Variants in ETV1 observed in about 807,000 individuals in gnomAD.
ETV1 encodes ETS translocation variant 1.
A neutral mutation model predicts 62.3 loss-of-function variants in ETV1; 27 were observed. The observed-to-expected ratio is 0.43, with a 90% CI of 0.32 to 0.60. The LOEUF (loss-of-function observed/expected upper bound fraction) is 0.60. ETV1 is among the 20% of genes least tolerant of loss of function. The pLI, the probability that ETV1 is intolerant of heterozygous loss-of-function variation, is 0.06. For missense variants in ETV1, 605 were observed against 605.8 expected (o/e 1.00, Z 0.01); for synonymous variants, 222 against 199.6 (o/e 1.11, Z -0.94).
chr7:13,900,769 C>G lies in ETV1; in HGVS notation c.1181G>C (p.Arg394Pro). 6.2e-7 allele frequency: 1 copy of G among 1,610,668 alleles called. No individual in the cohort carries two copies. The highest frequency in any genetic ancestry group is 8.5e-7 in the Non-Finnish European group (1 of 1,178,392). Residue 394 changes from arginine to proline, a missense_variant, in exon 13 of 14, where the codon CGC becomes CCC. Arg to Pro is a moderately radical substitution (Grantham distance 103). Coordinates refer to ENST00000430479, the MANE Select transcript of ETV1 (RefSeq NM_004956.5). ...CATAATTCCTTTCTCATAGTAATAG[C>G]GGAGTGAACGGCTAAGTTTATCATA... The part of the protein sequence containing the change: ...MNYDKLSRSL[R>P]YYYEKGIMQK...
rs537922154 is a variant in ETV1, at chr7:13,947,050, A to G, written c.236-7804T>C. ...CTCGGCCTCCCAAAGTGCTGGGATT[A>G]TAGGCGTGAGCCACCACACCTGGCT... is the stretch of plus-strand genomic sequence containing the variant. On this transcript the variant is annotated intron_variant, in intron 6 of 13. Coordinates refer to ENST00000430479, the MANE Select transcript of ETV1 (RefSeq NM_004956.5). Among the ~76,000 whole-genome samples, 8 of 152,334 alleles carry G rather than the reference A, an allele frequency of 5.3e-5. No individual in the cohort carries two copies. The South Asian group carries it at 1.7e-3, about 32-fold the overall frequency.
intron 3 of ETV1, 104 bp downstream of exon 3, chr7:13,988,904 T>A: frequency 6.6e-7 from 1 of 1,522,402 alleles, no homozygotes; most frequent in South Asian, 1.2e-5. Flanking sequence ...CAGATAAGTA[T>A]CTGCAATCCC....
At chr7:13,951,262 C>T (rs1788789794) in intron 6 of ETV1, among the ~76,000 whole-genome samples, 1 of 152,180 alleles carries the variant, frequency 6.6e-6, no homozygotes, top group Admixed American at 6.5e-5. Context: ...TTATGTCACA[C>T]TCATGAGTTA....
intron 4 of ETV1, 38 bp from the exon 5 acceptor site, chr7:13,986,723 A>C (rs766208864): frequency 1.7e-4 from 242 of 1,463,456 alleles, no homozygotes; most frequent in Non-Finnish European, 2.3e-4. Flanking sequence ...TAAGATTTGC[A>C]AATCTTTAAT....
intron 12 of ETV1, among the ~76,000 whole-genome samples, chr7:13,901,814 T>C (rs1782464219): frequency 6.6e-6 from 1 of 152,204 alleles, no homozygotes; most frequent in Non-Finnish European, 1.5e-5. Context: ...ACCATGTATA[T>C]GAGTCCACAA....
intron 6 of ETV1, chr7:13,975,219 C>T (rs548175696): frequency 1.3e-5 from 2 of 152,290 alleles, no homozygotes; most frequent in Admixed American, 6.5e-5. Context: ...TAGTCATTTC[C>T]ATCACAGAAA....
chr7:13,944,811 C>A (rs1787960048), intron 6 of ETV1, among the ~76,000 whole-genome samples: 1 of 152,104 alleles, frequency 6.6e-6, no homozygotes. Flanking sequence ...AACATAAGAT[C>A]ATTAAGGTGA....
intron 9 of ETV1, 106 bp downstream of exon 9, chr7:13,931,396 A>C: frequency 8.2e-7 from 1 of 1,216,112 alleles, no homozygotes; most frequent in Non-Finnish European, 1.2e-6. Flanking sequence ...GAAAGATCTT[A>C]TTAAAAAATG....
chr7:13,983,008 T>C (rs1029860561), intron 5 of ETV1, among the ~76,000 whole-genome samples: 4 of 152,048 alleles, frequency 2.6e-5, no homozygotes, highest in Non-Finnish European at 2.9e-5. Flanking sequence ...GACCTGACTG[T>C]TGTTTGAAGG....
In ETV1 at chr7:13,894,833, A is replaced by G. The variant is rs1344233740; in HGVS notation, c.*1033T>C. On this transcript the variant is annotated 3_prime_UTR_variant, in exon 14 of 14. Transcript: ENST00000430479. ...CAGTAAAAGGTTTAAATGCATATCA[A>G]TGGGTACCATGTCTAAAAATTACTA... 2 of 232,656 alleles carry G rather than the reference A, an allele frequency of 8.6e-6. No homozygotes were observed. Among genetic ancestry groups the G allele is most frequent in the Non-Finnish European group, 1.7e-5 (2 of 117,542 alleles). The allele number at this position is 232,656 out of a possible 1,614,324, so 14.4% of individuals were successfully genotyped here.
chr7:13,953,286 T>C (rs919906398), intron 6 of ETV1, among the ~76,000 whole-genome samples: 2 of 152,130 alleles, frequency 1.3e-5, no homozygotes, highest in South Asian at 4.1e-4. Flanking sequence ...CTCTCAAAAT[T>C]TGCTATACTT....
At chr7:13,931,368 A>C (rs967359591) in intron 9 of ETV1, 134 bp downstream of exon 9, 4 of 920,522 alleles carry the variant, frequency 4.3e-6, no homozygotes, top group Non-Finnish European at 6.5e-6. Flanking sequence ...ATGAAGTTTC[A>C]ATGAACGGAC....
At chr7:13,988,519 G>C in intron 3 of ETV1, 2 of 770,732 alleles carry the variant, frequency 2.6e-6, no homozygotes. Flanking sequence ...AAAACAGTGG[G>C]TTTTATTCTC....
chr7:13,954,103 T>C (rs1254893833), intron 6 of ETV1, among the ~76,000 whole-genome samples: 9 of 152,148 alleles, frequency 5.9e-5, no homozygotes, highest in Non-Finnish European at 1.5e-5. Flanking sequence ...TTTGAAATAA[T>C]AACTACTAAA....
chr7:13,903,511 C>T (rs1178823379), intron 12 of ETV1, among the ~76,000 whole-genome samples: 1 of 151,962 alleles, frequency 6.6e-6, no homozygotes, highest in Non-Finnish European at 1.5e-5. Context: ...ACCTGTAATC[C>T]TAGCACTCTG....
At chr7:13,913,960 C>G (rs946555633) in intron 9 of ETV1, among the ~76,000 whole-genome samples, 2 of 142,602 alleles carry the variant, frequency 1.4e-5, no homozygotes, top group Admixed American at 1.5e-4. Context: ...TCTCAGCTCA[C>G]TGCAAGCTCC....
chr7:13,930,324 A>C (rs1333549125), intron 9 of ETV1, among the ~76,000 whole-genome samples: 1 of 151,954 alleles, frequency 6.6e-6, no homozygotes, highest in Non-Finnish European at 1.5e-5. Flanking sequence ...CTATTTGGAA[A>C]AAAAATTTTT....
chr7:13,920,748 G>A (rs1026414296), intron 9 of ETV1, among the ~76,000 whole-genome samples: 29 of 149,764 alleles, frequency 1.9e-4, no homozygotes, highest in African/African-American at 7.0e-4. Flanking sequence ...TGTAGATTTA[G>A]AGCATATTTA....
chr7:13,939,052 A>T (rs1787155189), intron 7 of ETV1, 65 bp downstream of exon 7: 1 of 1,487,258 alleles, frequency 6.7e-7, no homozygotes, highest in Non-Finnish European at 9.1e-7. Context: ...GAGATTTCAT[A>T]TTATTCTGGA....
Sources: gnomAD v4.1 joint callset for allele counts (sites outside exome capture counted in the v4.1 genomes callset) on GRCh38, gnomAD v4.1.1 for gene constraint, MANE v1.5 for transcripts, NCBI Gene and HGNC (gene_info 2026-07-23, HGNC 2026-07-21) for gene names.